Variants in PREX2 observed in about 807,000 individuals in gnomAD.
PREX2 encodes the protein phosphatidylinositol-3,4,5-trisphosphate dependent Rac exchange factor 2.
A neutral mutation model predicts 203.2 loss-of-function variants in PREX2; 107 were observed. The observed-to-expected ratio is 0.53, with a 90% CI of 0.45 to 0.62. The LOEUF (loss-of-function observed/expected upper bound fraction) is 0.62. PREX2 is among the 20% of genes least tolerant of loss of function. The pLI is 0.00. For synonymous variants in PREX2, 672 were observed against 663.6 expected (o/e 1.01, Z -0.19); for missense variants, 1,777 against 1,955.9 (o/e 0.91, Z 1.72).
intron 34 of PREX2, among the ~76,000 whole-genome samples, chr8:68,157,118 G>A (rs1264548156): frequency 2.0e-5 from 3 of 152,034 alleles, no homozygotes; most frequent in African/African-American, 7.2e-5. Context: ...TTTGCCCATT[G>A]GACAGAAAAA....
At chr8:68,049,117 CTTT>C (rs3056658) in intron 8 of PREX2, among the ~76,000 whole-genome samples, 12,466 of 116,158 alleles carry the variant, frequency 0.11, 1,413 homozygotes, top group African/African-American at 0.33. Flanking sequence ...CAATTAGAAT[CTTT>C]TTTTTTTTTT....
In PREX2 at chr8:68,005,222, C is replaced by T. The variant is rs555742641; in HGVS notation, c.142-12624C>T. 5.9e-5 allele frequency among the ~76,000 whole-genome samples: 9 copies of T among 152,278 alleles called. No individual in the cohort carries two copies. In the South Asian group the frequency reaches 1.9e-3, roughly 32 times the overall value. ...GCAACCTTGATTTCTCTCTTCCGCT[C>T]ACAATTCACAGTCAATCCATGAACA... is the stretch of plus-strand genomic sequence containing the variant. On this transcript the variant is annotated intron_variant, in intron 1 of 39. Transcript: ENST00000288368.
intron 35 of PREX2, among the ~76,000 whole-genome samples, chr8:68,178,098 A>T (rs1330258739): frequency 6.6e-6 from 1 of 152,180 alleles, no homozygotes; most frequent in East Asian, 1.9e-4. Context: ...TGCAATGAAC[A>T]TATATGTGCA....
chr8:68,105,474 T>C, intron 23 of PREX2: 1 of 1,150,168 alleles, frequency 8.7e-7, no homozygotes, highest in East Asian at 6.4e-5. Flanking sequence ...AGCTACAAGT[T>C]GGAAAGCCAG....
intron 26 of PREX2, 107 bp downstream of exon 26, chr8:68,116,039 G>T (rs1277052305): frequency 1.1e-6 from 1 of 936,274 alleles, no homozygotes; most frequent in Non-Finnish European, 1.6e-6. Flanking sequence ...CTTTTAATTG[G>T]TCTTTCACAA....
At chr8:68,081,539 T>G (rs1809525737) in intron 17 of PREX2, among the ~76,000 whole-genome samples, 1 of 152,182 alleles carries the variant, frequency 6.6e-6, no homozygotes, top group Non-Finnish European at 1.5e-5. Flanking sequence ...AGGGTAGCAC[T>G]GTATTATGCA....
chr8:68,210,033 G>A (rs190707213), intron 37 of PREX2, among the ~76,000 whole-genome samples: 164 of 152,240 alleles, frequency 1.1e-3, no homozygotes, highest in African/African-American at 3.7e-3. Flanking sequence ...AAAAATTGCC[G>A]CTCAAGTAAC....
rs200009429 is a variant in PREX2 at position 68,047,506 on chromosome 8, T to C, written c.943+2916T>C. On this transcript the variant is annotated intron_variant, in intron 8 of 39. Coordinates refer to ENST00000288368, the MANE Select transcript of PREX2 (RefSeq NM_024870.4). ...ATATATATATATATATATATATATA[T>C]ACACATACATATATATATATGTATT... 5.8e-3 allele frequency among the ~76,000 whole-genome samples: 319 copies of C among 54,936 alleles called. 9 individuals carry two copies. Among genetic ancestry groups the C allele is most frequent in the African/African-American group, 0.024 (172 of 7,032 alleles). The allele number at this position is 54,936 out of a possible 152,430, so 36.0% of individuals were successfully genotyped here.
At position 68,090,723 on chromosome 8, in the gene PREX2, G is replaced by A. The variant is rs117440451; in HGVS notation, c.2250+8G>A. On this transcript the variant is annotated splice_region_variant and intron_variant, in intron 20 of 39. Coordinates refer to ENST00000288368, the MANE Select transcript of PREX2 (RefSeq NM_024870.4). ...TACAGGCGGCCAACGAAGGTAAGTG[G>A]CCCTTCAGATAATCTGGATCTGAGT... The A allele has an allele frequency of 2.9e-3, 4,674 of 1,612,098 alleles. 172 individuals carry two copies. The East Asian group carries it at 0.085, about 29-fold the overall frequency.
At chr8:68,025,917 T>G (rs1192559073) in intron 4 of PREX2, among the ~76,000 whole-genome samples, 2 of 152,126 alleles carry the variant, frequency 1.3e-5, no homozygotes, top group Admixed American at 1.3e-4. Flanking sequence ...CTGAGTGATT[T>G]TAGGACACTT....
chr8:68,103,819 G>C (rs1367293012), intron 23 of PREX2: 1 of 468,872 alleles, frequency 2.1e-6, no homozygotes, highest in Non-Finnish European at 4.2e-6. Flanking sequence ...ATCCTATGCT[G>C]ACTCCGCCTT....
chr8:67,978,291 C>A (rs193244957), intron 1 of PREX2, among the ~76,000 whole-genome samples: 1 of 152,072 alleles, frequency 6.6e-6, no homozygotes, highest in African/African-American at 2.4e-5. Context: ...TTCCCCATAT[C>A]CTTACACCTG....
At position 68,146,360 on chromosome 8, in the gene PREX2, G is replaced by C; in HGVS notation, c.4231+8G>C. ...CTGTTCTTTTTGCACAAGGTAAACT[G>C]TTTCTCTTTTGATGGCTGCTATACT... is the stretch of plus-strand genomic sequence containing the variant. On this transcript the variant is annotated splice_region_variant and intron_variant, in intron 34 of 39. Coordinates refer to ENST00000288368, the MANE Select transcript of PREX2 (RefSeq NM_024870.4). The C allele has an allele frequency of 6.2e-7, 1 of 1,605,416 alleles. No individual in the cohort carries two copies. Among genetic ancestry groups the C allele is most frequent in the East Asian group, 2.2e-5 (1 of 44,538 alleles).
At chr8:68,091,752 T>G (rs1408132492) in intron 20 of PREX2, among the ~76,000 whole-genome samples, 6 of 152,256 alleles carry the variant, frequency 3.9e-5, no homozygotes, top group Non-Finnish European at 8.8e-5. Flanking sequence ...AAATCTTTTC[T>G]CTTCTACCAG....
chr8:68,200,288 A>AAAAT (rs1473957841), intron 37 of PREX2, among the ~76,000 whole-genome samples: 1 of 152,176 alleles, frequency 6.6e-6, no homozygotes, highest in Non-Finnish European at 1.5e-5. Context: ...GCAGAAAGAC[A>AAAAT]AAATATATCC....
chr8:67,966,195 C>G (rs1321565277), intron 1 of PREX2, among the ~76,000 whole-genome samples: 1 of 151,994 alleles, frequency 6.6e-6, no homozygotes, highest in African/African-American at 2.4e-5. Context: ...AAAATATAAG[C>G]AAACCGTAAT....
chr8:68,011,219 C>CT (rs560968193), intron 1 of PREX2, among the ~76,000 whole-genome samples: 48 of 151,140 alleles, frequency 3.2e-4, no homozygotes, highest in African/African-American at 5.4e-4. Flanking sequence ...TTTGTTTTAG[C>CT]TTTTTTTTTC....
At chr8:68,035,570 TGGTGGGTGTTCTTCA>T (rs58930458) in intron 6 of PREX2, among the ~76,000 whole-genome samples, 11,750 of 152,170 alleles carry the variant, frequency 0.077, 1,401 homozygotes, top group African/African-American at 0.26. Flanking sequence ...ATCAGCAGCA[TGGTGGGTGTTCTTCA>T]GAGTTTAAAA....
At chr8:68,118,035 A>T (rs953816685) in intron 26 of PREX2, among the ~76,000 whole-genome samples, 9 of 152,356 alleles carry the variant, frequency 5.9e-5, no homozygotes, top group East Asian at 1.9e-4. Context: ...TGATACAAGA[A>T]AATTTGAAAT....
Sources: gnomAD v4.1 joint callset for allele counts (sites outside exome capture counted in the v4.1 genomes callset) on GRCh38, gnomAD v4.1.1 for gene constraint, MANE v1.5 for transcripts, NCBI Gene and HGNC (gene_info 2026-07-23, HGNC 2026-07-21) for gene names.